TRAK1: variants seen among roughly 807,000 people sequenced by gnomAD.
TRAK1 encodes the protein trafficking kinesin protein 1.
TRAK1 carries 33 observed loss-of-function variants against 92.1 expected under a neutral mutation model. The observed-to-expected ratio is 0.36, with a 90% CI of 0.27 to 0.48. TRAK1 has a LOEUF of 0.48. TRAK1 is among the 20% of genes least tolerant of loss of function. The pLI, the probability that TRAK1 is intolerant of heterozygous loss-of-function variation, is 0.99. For missense variants in TRAK1, 1,123 were observed against 1,257.9 expected, an observed-to-expected ratio of 0.89 and a Z score of 1.62; for synonymous variants, 521 against 517.3, an observed-to-expected ratio of 1.01 and a Z score of -0.10.
intron 1 of TRAK1, among the ~76,000 whole-genome samples, chr3:42,101,065 C>A (rs1576348923): frequency 6.6e-6 from 1 of 152,356 alleles, no homozygotes; most frequent in African/African-American, 2.4e-5. Flanking sequence ...ACATTTATTT[C>A]TTGCTCACAG....
At position 42,181,097 on chromosome 3, in the gene TRAK1, C is replaced by T. The variant is rs546528188; in HGVS notation, c.364-3588C>T. Among the ~76,000 whole-genome samples, 447 of 152,322 alleles carry T rather than the reference C, an allele frequency of 2.9e-3. 1 individual carries two copies. Among genetic ancestry groups the T allele is most frequent in the Non-Finnish European group, 5.0e-3 (338 of 68,020 alleles). On this transcript the variant is annotated intron_variant, in intron 3 of 15. Coordinates refer to ENST00000327628, the MANE Select transcript of TRAK1 (RefSeq NM_001042646.3). ...CATTGCTCTACTTGTTTCTCTTTCCCTTCCTGTCTCCCAATTCCTGTTGGT... is the reference window on the plus strand; with the variant it reads ...CATTGCTCTACTTGTTTCTCTTTCCTTTCCTGTCTCCCAATTCCTGTTGGT...
intron 2 of TRAK1, among the ~76,000 whole-genome samples, chr3:42,176,477 C>G (rs1289011142): frequency 1.3e-5 from 2 of 152,146 alleles, no homozygotes; most frequent in Non-Finnish European, 2.9e-5. Flanking sequence ...GTGCTACTGG[C>G]CCCCACCCCA....
At chr3:42,153,859 A>T (rs532385409) in intron 2 of TRAK1, among the ~76,000 whole-genome samples, 1 of 152,292 alleles carries the variant, frequency 6.6e-6, no homozygotes, top group East Asian at 1.9e-4. Context: ...ACGCAAACAG[A>T]TCCCCATTTC....
At chr3:42,082,428 G>A (rs1430062103), upstream of TRAK1, among the ~76,000 whole-genome samples, 3 of 124,208 alleles carry the variant, frequency 2.4e-5, no homozygotes, top group Non-Finnish European at 1.7e-5. Context: ...GTGAAACCCC[G>A]TCTTTATCAA....
chr3:42,220,697 C>CT, intron 15 of TRAK1: 4 of 757,518 alleles, frequency 5.3e-6, no homozygotes, highest in Non-Finnish European at 6.4e-6. Flanking sequence ...GGATGTGTCT[C>CT]TGTGGTTGTG....
intron 4 of TRAK1, chr3:42,185,005 G>T (rs1367453960): frequency 2.5e-5 from 14 of 551,646 alleles, no homozygotes; most frequent in South Asian, 1.6e-4. Flanking sequence ...GCTGCTGCTT[G>T]TGTCTCTTTT....
chr3:42,083,329 A>T (rs1704522189), upstream of TRAK1, among the ~76,000 whole-genome samples: 1 of 152,102 alleles, frequency 6.6e-6, no homozygotes, highest in Non-Finnish European at 1.5e-5. Context: ...AATGAAGTGC[A>T]TTATTTACAT....
In TRAK1 at chr3:42,176,817, T is replaced by A; in HGVS notation, c.290T>A (p.Leu97Ter). The A allele has an allele frequency of 1.2e-6, 2 of 1,613,708 alleles. No homozygotes were observed. Among genetic ancestry groups the A allele is most frequent in the Non-Finnish European group, 1.7e-6 (2 of 1,179,598 alleles). ...TTGTCATTTTTATTTCTTACAGTTT[T>A]ATGTGCTGAAAGAGTTGGCCAGATG... is the stretch of plus-strand genomic sequence containing the variant. ...QIEETLKYFL[L>*]CAERVGQMTK... Residue 97 changes from leucine to a stop codon, truncating the protein, a stop_gained, in exon 3 of 16, where the codon TTA (leucine) becomes TAA (stop). Transcript: ENST00000327628. LOFTEE classifies it high-confidence loss of function.
At chr3:42,174,879 T>C (rs568910111) in intron 2 of TRAK1, among the ~76,000 whole-genome samples, 67 of 151,862 alleles carry the variant, frequency 4.4e-4, no homozygotes, top group African/African-American at 1.6e-3. Context: ...CTCTGTGTTA[T>C]TTCTTCTGTC....
intron 1 of TRAK1, among the ~76,000 whole-genome samples, chr3:42,094,333 A>G (rs1229077733): frequency 6.6e-6 from 1 of 152,172 alleles, no homozygotes; most frequent in Non-Finnish European, 1.5e-5. Flanking sequence ...TAAACACTGA[A>G]AAACTTGAGC....
chr3:42,133,780 T>G (rs1403160468), intron 2 of TRAK1, among the ~76,000 whole-genome samples: 1 of 152,258 alleles, frequency 6.6e-6, no homozygotes, highest in Non-Finnish European at 1.5e-5. Context: ...TTTGTTGTAG[T>G]GCATAATCCT....
chr3:42,082,598 A>C (rs988892442), upstream of TRAK1, among the ~76,000 whole-genome samples: 61 of 152,112 alleles, frequency 4.0e-4, no homozygotes, highest in African/African-American at 1.4e-3. Flanking sequence ...CCTGTCTCAA[A>C]AAACAAACAA....
chr3:42,078,397 T>G (rs1704260229), intron 1 of TRAK1, among the ~76,000 whole-genome samples: 1 of 152,124 alleles, frequency 6.6e-6, no homozygotes, highest in Admixed American at 6.5e-5. Flanking sequence ...CTGGATGATC[T>G]AAGTGGGCAC....
chr3:42,107,494 G>C (rs1413303594), intron 1 of TRAK1, among the ~76,000 whole-genome samples: 1 of 148,010 alleles, frequency 6.8e-6, no homozygotes, highest in African/African-American at 2.5e-5. Context: ...CCTGGTGACA[G>C]AGCAAGACTC....
chr3:42,155,289 G>C (rs1448395892), intron 2 of TRAK1, among the ~76,000 whole-genome samples: 1 of 152,056 alleles, frequency 6.6e-6, no homozygotes, highest in Non-Finnish European at 1.5e-5. Flanking sequence ...ATTCAAGTGG[G>C]TGCCTTGTCC....
intron 1 of TRAK1, among the ~76,000 whole-genome samples, chr3:42,110,872 G>C (rs1708302008): frequency 6.6e-6 from 1 of 152,176 alleles, no homozygotes. Context: ...AGAACCAGAT[G>C]GCTGCTCATT....
chr3:42,170,824 C>CTT (rs772908047), intron 2 of TRAK1, among the ~76,000 whole-genome samples: 35 of 139,636 alleles, frequency 2.5e-4, no homozygotes, highest in African/African-American at 5.2e-4. Flanking sequence ...TCTTGAATAT[C>CTT]TTTTTTTTTT....
chr3:42,124,641 A>G (rs1333227030), intron 1 of TRAK1, among the ~76,000 whole-genome samples: 3 of 152,198 alleles, frequency 2.0e-5, no homozygotes, highest in African/African-American at 7.2e-5. Flanking sequence ...GTAGCTGTGT[A>G]TGGAAGTTTG....
chr3:42,120,552 T>C (rs1318488222), intron 1 of TRAK1, among the ~76,000 whole-genome samples: 2 of 151,880 alleles, frequency 1.3e-5, no homozygotes, highest in Non-Finnish European at 2.9e-5. Flanking sequence ...TTTTTTGTTT[T>C]GTTTTGTTTG....
Sources: gnomAD v4.1 joint callset for allele counts (sites outside exome capture counted in the v4.1 genomes callset) on GRCh38, gnomAD v4.1.1 for gene constraint, MANE v1.5 for transcripts, NCBI Gene and HGNC (gene_info 2026-07-23, HGNC 2026-07-21) for gene names.